The following ATG16L2 variants were observed in gnomAD, a reference collection of about 807,000 sequenced individuals.
ATG16L2 encodes the protein protein Atg16l2.
ATG16L2 carries 77 observed loss-of-function variants against 84.7 expected under a neutral mutation model. The observed-to-expected ratio is 0.91, with a 90% CI of 0.76 to 1.10. The LOEUF (loss-of-function observed/expected upper bound fraction) is 1.10. ATG16L2 is among the 50% of genes least tolerant of loss of function. The probability of loss-of-function intolerance (pLI) is 0.00; values close to 1 mark genes in which losing one functional copy is unlikely to be tolerated. For synonymous variants in ATG16L2, 361 were observed against 342.8 expected (o/e 1.05, Z -0.59); for missense variants, 782 against 817.6 (o/e 0.96, Z 0.53).
Position 72,814,540 on chromosome 11 carries a change from T to C in ATG16L2, c.95T>C (p.Leu32Pro), listed in dbSNP as rs759329092. The change falls in exon 1 of 18, where the codon CTT becomes CCT. Residue 32 changes from leucine to proline, a missense_variant. Leu to Pro is a moderately conservative substitution (Grantham distance 98, BLOSUM62 -3). Transcript: ENST00000321297. Reference protein sequence around the residue: ...LRLRDRTQKALFLELVPAYNH... With the variant: ...LRLRDRTQKAPFLELVPAYNH... ...CTTCGGGACCGTACGCAAAAGGCGCTTTTCCTGGAGCTGGTGCCGGCCTGT... is the reference window on the plus strand; with the variant it reads ...CTTCGGGACCGTACGCAAAAGGCGCCTTTCCTGGAGCTGGTGCCGGCCTGT... 1.3e-6 allele frequency: 2 copies of C among 1,577,744 alleles called. No homozygotes were observed. Among genetic ancestry groups the C allele is most frequent in the Non-Finnish European group, 1.7e-6 (2 of 1,161,106 alleles).
intron 13 of ATG16L2, 53 bp from the exon 14 acceptor site, chr11:72,827,135 T>G (rs1860411227): frequency 7.2e-7 from 1 of 1,397,716 alleles, no homozygotes; most frequent in Admixed American, 1.7e-5. Context: ...TCCTGTGGGG[T>G]GGCTCCCGAC....
chr11:72,816,478 G>A (rs957478282), intron 1 of ATG16L2: 1 of 470,094 alleles, frequency 2.1e-6, no homozygotes, highest in African/African-American at 1.9e-5. Context: ...TCATCCTTCT[G>A]TCCCTGGGAG....
At chr11:72,815,451 C>T (rs1859650770) in intron 1 of ATG16L2, among the ~76,000 whole-genome samples, 1 of 152,182 alleles carries the variant, frequency 6.6e-6, no homozygotes, top group Non-Finnish European at 1.5e-5. Flanking sequence ...TTCTCCACTG[C>T]TCAGACAGAC....
downstream of ATG16L2, among the ~76,000 whole-genome samples, chr11:72,832,187 T>TA (rs1191439366): frequency 6.6e-6 from 1 of 152,190 alleles, no homozygotes; most frequent in African/African-American, 2.4e-5. Context: ...GGAGACTGCT[T>TA]AGAGAGCCCA....
At chr11:72,839,964 G>A (rs1443978272) in intron 5 of ATG16L2, among the ~76,000 whole-genome samples, 1 of 152,182 alleles carries the variant, frequency 6.6e-6, no homozygotes, top group East Asian at 1.9e-4. Context: ...CCACAGAAAG[G>A]TAGGACCAGA....
At chr11:72,823,064 G>C (rs1591304706) in intron 7 of ATG16L2, 103 bp downstream of exon 7, 2 of 785,858 alleles carry the variant, frequency 2.5e-6, no homozygotes, top group Admixed American at 2.9e-5. Context: ...GGGTTGGGAG[G>C]GGGCTTGAGG....
In ATG16L2 at chr11:72,822,594, G is replaced by T. The variant is rs746527281; in HGVS notation, c.710+51G>T. 1.9e-6 allele frequency: 3 copies of T among 1,592,876 alleles called. No individual in the cohort carries two copies. Among genetic ancestry groups the T allele is most frequent in the Admixed American group, 1.8e-5 (1 of 55,916 alleles). ...ACCCTTGCGTTCTGCCTCCCGCCCCGCCTGCCTGCGGCGACCCAGGCTGCC... is the reference window on the plus strand; with the variant it reads ...ACCCTTGCGTTCTGCCTCCCGCCCCTCCTGCCTGCGGCGACCCAGGCTGCC... On this transcript the variant is annotated intron_variant, in intron 6 of 17. Coordinates refer to ENST00000321297, the MANE Select transcript of ATG16L2 (RefSeq NM_033388.2). The surrounding 1 kb of genome is among the most constrained non-coding windows in gnomAD (Gnocchi z 4.2).
intron 3 of ATG16L2, chr11:72,818,888 A>T (rs1470017174): frequency 6.6e-6 from 1 of 152,196 alleles, no homozygotes; most frequent in Non-Finnish European, 1.5e-5. Flanking sequence ...CACCTGCCCA[A>T]CAGAAATGCG....
Position 72,826,249 on chromosome 11 carries a change from G to A in ATG16L2, c.1173+6G>A, listed in dbSNP as rs1216690635. 1 of 1,613,414 alleles carries A rather than the reference G, an allele frequency of 6.2e-7. No individual in the cohort carries two copies. Among genetic ancestry groups the A allele is most frequent in the East Asian group, 2.2e-5 (1 of 44,874 alleles). On this transcript the variant is annotated splice_donor_region_variant and intron_variant, in intron 11 of 17. Transcript: ENST00000321297. ...GTGTGGACTTTGACCCCTCGGTGAG[G>A]AACTCTGCCCCAGTGGCATGGGATT...
intron 11 of ATG16L2, 76 bp from the exon 12 acceptor site, chr11:72,826,442 C>T: frequency 1.9e-6 from 3 of 1,568,030 alleles, no homozygotes; most frequent in Non-Finnish European, 2.6e-6. Flanking sequence ...TGTGAGGCAG[C>T]CCCTAGCCTC....
intron 5 of ATG16L2, chr11:72,836,877 A>G (rs1043519662): frequency 1.3e-5 from 2 of 152,610 alleles, no homozygotes; most frequent in African/African-American, 4.8e-5. Context: ...GCTGGATTCC[A>G]TATCCTGGAT....
At chr11:72,821,412 T>A in intron 3 of ATG16L2, 1 of 1,304,722 alleles carries the variant, frequency 7.7e-7, no homozygotes, top group South Asian at 1.8e-5. Context: ...GAGAGGTTCC[T>A]AGTAGGGTCG....
At chr11:72,823,895 T>G in intron 7 of ATG16L2, 165 bp from the exon 8 acceptor site, 2 of 811,584 alleles carry the variant, frequency 2.5e-6, no homozygotes, top group South Asian at 1.3e-5. Context: ...TTCCTGGGAC[T>G]GATCTGGGTC....
At position 72,821,445 on chromosome 11, in the gene ATG16L2, G is replaced by A; in HGVS notation, c.319-223G>A. On this transcript the variant is annotated intron_variant, in intron 3 of 17. Transcript: ENST00000321297. ...TCGCAGAGAAACGAAGCGGCACGGC[G>A]AGGATTGGGACCCAGGGCTGACTCC... is the stretch of plus-strand genomic sequence containing the variant. 2.9e-6 allele frequency: 4 copies of A among 1,366,178 alleles called. No individual in the cohort carries two copies. In the South Asian group the frequency reaches 6.8e-5, roughly 23 times the overall value. 84.6% of individuals were successfully genotyped at this position (1,366,178 alleles called of 1,614,324 possible). A position where few individuals can be genotyped will look rare whatever the true frequency, so the allele number is the denominator to read the frequency against.
intron 1 of ATG16L2, 88 bp from the exon 2 acceptor site, chr11:72,816,637 CCTT>C: frequency 1.9e-6 from 2 of 1,051,540 alleles, no homozygotes; most frequent in Admixed American, 3.7e-5. Context: ...TCTCTGGGCT[CCTT>C]CAGCCCTTTT....
chr11:72,828,154 AGTCT>A (rs35407315), intron 14 of ATG16L2, among the ~76,000 whole-genome samples: 33,390 of 152,068 alleles, frequency 0.22, 3,818 homozygotes, highest in Middle Eastern at 0.33. Context: ...TTCAAATCAA[AGTCT>A]GTCTAAGTTC....
intron 8 of ATG16L2, 105 bp from the exon 9 acceptor site, chr11:72,824,629 C>T (rs1215978928): frequency 1.2e-5 from 10 of 838,840 alleles, no homozygotes; most frequent in Admixed American, 1.9e-5. Flanking sequence ...TGTTCTGCCG[C>T]CTGCCATGTC....
Position 72,829,385 on chromosome 11 carries a change from C to T in ATG16L2, c.1855C>T (p.Gln619Ter). The change falls in exon 18 of 18, where the codon CAG (glutamine) becomes TAG (stop). Residue 619 changes from glutamine to a stop codon, truncating the protein, a stop_gained. Coordinates refer to ENST00000321297, the MANE Select transcript of ATG16L2 (RefSeq NM_033388.2). LOFTEE classifies it high-confidence loss of function. The part of the protein sequence containing the change: ...VDQGRKVVLW[Q>*] Reference sequence around the variant, plus strand: ...CCAGGGCAGGAAGGTTGTGCTCTGGCAGTAGGGCCACGACCTGCCTGCCTG... The same window carrying T: ...CCAGGGCAGGAAGGTTGTGCTCTGGTAGTAGGGCCACGACCTGCCTGCCTG... 6.2e-7 allele frequency: 1 copy of T among 1,610,928 alleles called. No individual in the cohort carries two copies. The highest frequency in any genetic ancestry group is 8.5e-7 in the Non-Finnish European group (1 of 1,179,018).
chr11:72,840,919 T>A, intron 5 of ATG16L2: 1 of 1,613,460 alleles, frequency 6.2e-7, no homozygotes, highest in Non-Finnish European at 8.5e-7. Flanking sequence ...TATGCCTTGA[T>A]GCCTGTGAGA....
Sources: allele counts gnomAD v4.1 joint callset (sites outside exome capture counted in the v4.1 genomes callset), GRCh38; gene constraint gnomAD v4.1.1; non-coding constraint Gnocchi (gnomAD v3.1); transcripts MANE v1.5; gene names NCBI Gene and HGNC (gene_info 2026-07-23, HGNC 2026-07-21).